Variants in EFL1 observed in about 807,000 individuals in gnomAD.
The protein encoded by EFL1 is elongation factor-like GTPase 1.
In EFL1, 76 loss-of-function variants were observed where a neutral mutation model predicts 126.7. That is an observed-to-expected ratio of 0.60 (90% confidence interval 0.50 to 0.73). The LOEUF (loss-of-function observed/expected upper bound fraction) is 0.73, where lower values mean the gene tolerates loss of function less well. Among genes scored for constraint, EFL1 ranks in the 30% least tolerant of loss-of-function variants. The pLI is 0.00. For synonymous variants in EFL1, 410 were observed against 448.4 expected, an observed-to-expected ratio of 0.91 and a Z score of 1.08; for missense variants, 1,128 against 1,343.2, an observed-to-expected ratio of 0.84 and a Z score of 2.50.
rs558698134 is a variant in EFL1 at position 82,211,690 on chromosome 15, C to T, written c.1750+3027G>A. Among the ~76,000 whole-genome samples, 3 of 149,430 alleles carry T rather than the reference C, an allele frequency of 2.0e-5. No homozygotes were observed. The South Asian group carries it at 6.3e-4, about 31-fold the overall frequency. ...TTTGAAAAGTTGCTTTTATTAAACA[C>T]CCTGGCTTATGAGACTGCTGCTACT... is the stretch of plus-strand genomic sequence containing the variant. On this transcript the variant is annotated intron_variant, in intron 15 of 19. Coordinates refer to ENST00000268206, the MANE Select transcript of EFL1 (RefSeq NM_024580.6).
At chr15:82,198,327 A>G (rs1336799422) in intron 15 of EFL1, among the ~76,000 whole-genome samples, 1 of 152,188 alleles carries the variant, frequency 6.6e-6, no homozygotes, top group Non-Finnish European at 1.5e-5. Flanking sequence ...GGCCAGTGTA[A>G]ACGAGAAAGT....
chr15:82,219,364 T>C (rs1004268960), intron 14 of EFL1, among the ~76,000 whole-genome samples: 17 of 152,354 alleles, frequency 1.1e-4, no homozygotes, highest in South Asian at 2.1e-4. Flanking sequence ...TCTGCTCTTA[T>C]CAGTTCTTTT....
At position 82,261,705 on chromosome 15, in the gene EFL1, A is replaced by G. The variant is rs753935735; in HGVS notation, c.74T>C (p.Leu25Ser). The change falls in exon 2 of 20, where the codon TTG becomes TCG. Residue 25 changes from leucine to serine, a missense_variant. Physicochemically the swap from Leu to Ser is moderately radical, Grantham distance 145 (BLOSUM62 -2). Coordinates refer to ENST00000268206, the MANE Select transcript of EFL1 (RefSeq NM_024580.6). ...NTANIRNICV[L>S]AHVDHGKTTL... ...ATTCTTACCATGGTCAACATGAGCC[A>G]AAACACAAATATTCCTGATGTTGGC... is the stretch of plus-strand genomic sequence containing the variant. 2 of 1,614,088 alleles carry G rather than the reference A, an allele frequency of 1.2e-6. No individual in the cohort carries two copies. The highest frequency in any genetic ancestry group is 2.2e-5 in the East Asian group (1 of 44,872).
At chr15:82,133,902 G>C (rs2073690123) in intron 19 of EFL1, among the ~76,000 whole-genome samples, 1 of 152,156 alleles carries the variant, frequency 6.6e-6, no homozygotes, top group Non-Finnish European at 1.5e-5. Context: ...CAGAGAGTGA[G>C]GAGTCGGGGG....
chr15:82,150,564 A>C (rs1050650461), intron 18 of EFL1, among the ~76,000 whole-genome samples: 5 of 152,196 alleles, frequency 3.3e-5, no homozygotes, highest in African/African-American at 1.2e-4. Context: ...TACCTATGTA[A>C]AGAAACTAAG....
chr15:82,227,143 G>A lies in EFL1; in HGVS notation c.1192+307C>T, dbSNP rs144774620. On this transcript the variant is annotated intron_variant, in intron 11 of 19. Coordinates refer to ENST00000268206, the MANE Select transcript of EFL1 (RefSeq NM_024580.6). ...AAAAGAATTAGAGATAAGAAAATACGTGGAGACAAATTTCATGGAACCTAC... is the reference window on the plus strand; with the variant it reads ...AAAAGAATTAGAGATAAGAAAATACATGGAGACAAATTTCATGGAACCTAC... 1.4e-4 allele frequency among the ~76,000 whole-genome samples: 22 copies of A among 152,318 alleles called. No homozygotes were observed. In the East Asian group the frequency reaches 2.3e-3, roughly 16 times the overall value.
intron 18 of EFL1, among the ~76,000 whole-genome samples, chr15:82,146,005 A>T (rs867371): frequency 0.35 from 52,945 of 151,702 alleles, 10,675 homozygotes; most frequent in East Asian, 0.6. Context: ...TTCAATGACA[A>T]GCAGGTAAAA....
At chr15:82,148,971 C>CT (rs11326948) in intron 18 of EFL1, among the ~76,000 whole-genome samples, 2 of 149,776 alleles carry the variant, frequency 1.3e-5, no homozygotes. Flanking sequence ...CTAACCTAAG[C>CT]TTTTTTTTTT....
chr15:82,249,951 G>A (rs1311220836), intron 4 of EFL1, among the ~76,000 whole-genome samples: 3 of 152,166 alleles, frequency 2.0e-5, no homozygotes, highest in East Asian at 3.9e-4. Context: ...TGAAAGCTCG[G>A]TAAATTAAGA....
rs1163025942 is a variant in EFL1 at position 82,130,466 on chromosome 15, G to A, written c.3270C>T (p.Tyr1090=). 1.2e-6 allele frequency: 2 copies of A among 1,614,132 alleles called. No homozygotes were observed. Among genetic ancestry groups the A allele is most frequent in the East Asian group, 2.2e-5 (1 of 44,886 alleles). The part of the protein sequence containing the change: ...KADSENQARK[Y]MNAVRKRKGL... ...CCTTCCGCTTTCGTACTGCGTTCAT[G>A]TACTTCCGGGCTTGGTTCTCAGAGT... is the stretch of plus-strand genomic sequence containing the variant. Residue 1090 remains tyrosine (Y), a synonymous_variant, in exon 20 of 20, where the codon TAC becomes TAT. Coordinates refer to ENST00000268206, the MANE Select transcript of EFL1 (RefSeq NM_024580.6).
chr15:82,162,047 G>A (rs1371644859), intron 16 of EFL1, among the ~76,000 whole-genome samples: 1 of 152,222 alleles, frequency 6.6e-6, no homozygotes, highest in East Asian at 1.9e-4. Flanking sequence ...AGAGGCTGAG[G>A]TGAGAGGACT....
At position 82,210,698 on chromosome 15, in the gene EFL1, C is replaced by T. The variant is rs549105526; in HGVS notation, c.1750+4019G>A. Among the ~76,000 whole-genome samples the T allele has an allele frequency of 2.0e-4, 31 of 152,090 alleles. No individual in the cohort carries two copies. In the Middle Eastern group the frequency reaches 0.01, roughly 50 times the overall value. On this transcript the variant is annotated intron_variant, in intron 15 of 19. Coordinates refer to ENST00000268206, the MANE Select transcript of EFL1 (RefSeq NM_024580.6). The stretch of plus-strand genomic sequence containing the variant: ...CCAACATGGTGAAACCCCATCTCTA[C>T]TAAAAATACAAAAATTAGCCTGGCG...
Position 82,227,487 on chromosome 15 carries a change from A to G in EFL1, c.1155T>C (p.Phe385=). The G allele has an allele frequency of 6.2e-7, 1 of 1,614,180 alleles. No homozygotes were observed. Among genetic ancestry groups the G allele is most frequent in the Non-Finnish European group, 8.5e-7 (1 of 1,180,014 alleles). Residue 385 remains phenylalanine (F), a synonymous_variant, in exon 11 of 20, where the codon TTT becomes TTC. Transcript: ENST00000268206. Reference sequence around the variant, plus strand: ...CTTGAGTTTCTGGTGGAAAAGAGTCAAAAGTTTGTGATCCTGTGCACATCA... The same window carrying G: ...CTTGAGTTTCTGGTGGAAAAGAGTCGAAAGTTTGTGATCCTGTGCACATCA... ...ERLMCTGSQT[F]DSFPPETQAL... is the part of the protein sequence containing the mutation.
chr15:82,200,365 C>A (rs542502700), intron 15 of EFL1, among the ~76,000 whole-genome samples: 32 of 152,292 alleles, frequency 2.1e-4, no homozygotes, highest in Non-Finnish European at 8.8e-5. Flanking sequence ...TACAAAATAA[C>A]AACTTTAGGC....
chr15:82,228,916 GA>G, intron 9 of EFL1, 117 bp downstream of exon 9: 1 of 834,876 alleles, frequency 1.2e-6, no homozygotes, highest in Non-Finnish European at 1.9e-6. Flanking sequence ...CTCATCTGTA[GA>G]AGCTCTGTTC....
intron 15 of EFL1, among the ~76,000 whole-genome samples, chr15:82,188,016 C>T (rs1158719908): frequency 6.6e-6 from 1 of 152,022 alleles, no homozygotes; most frequent in Non-Finnish European, 1.5e-5. Context: ...AGACTTATGA[C>T]CATTATAATT....
chr15:82,191,888 C>T (rs1292065699), intron 15 of EFL1, among the ~76,000 whole-genome samples: 7 of 151,946 alleles, frequency 4.6e-5, no homozygotes, highest in Non-Finnish European at 7.4e-5. Flanking sequence ...AACTAATTAG[C>T]GATAAAATAA....
In EFL1 at chr15:82,247,878, G is replaced by A. The variant is rs879280087; in HGVS notation, c.244+4813C>T. 5.3e-5 allele frequency among the ~76,000 whole-genome samples: 8 copies of A among 152,100 alleles called. No individual in the cohort carries two copies. The East Asian group carries it at 7.7e-4, about 15-fold the overall frequency. Reference sequence around the variant, plus strand: ...GGCAGTGACTGAAGACCACAGGGACGTAGGTAGTGTTGGCCACAAGACGTG... The same window carrying A: ...GGCAGTGACTGAAGACCACAGGGACATAGGTAGTGTTGGCCACAAGACGTG... On this transcript the variant is annotated intron_variant, in intron 4 of 19. Coordinates refer to ENST00000268206, the MANE Select transcript of EFL1 (RefSeq NM_024580.6).
intron 7 of EFL1, among the ~76,000 whole-genome samples, chr15:82,234,088 A>G (rs1216846869): frequency 2.0e-5 from 3 of 152,324 alleles, no homozygotes; most frequent in Non-Finnish European, 2.9e-5. Flanking sequence ...CCCTTATTCT[A>G]TCCATTCAAC....
Sources: allele counts gnomAD v4.1 joint callset (sites outside exome capture counted in the v4.1 genomes callset), GRCh38; gene constraint gnomAD v4.1.1; transcripts MANE v1.5; gene names NCBI Gene and HGNC (gene_info 2026-07-23, HGNC 2026-07-21).